ROR1: variants seen among roughly 807,000 people sequenced by gnomAD.
ROR1 encodes ROR family WNT receptor 1, also known as inactive tyrosine-protein kinase transmembrane receptor ROR1.
In ROR1, 19 loss-of-function variants were observed where a neutral mutation model predicts 78.8. The observed-to-expected ratio is 0.24, with a 90% CI of 0.17 to 0.35. The LOEUF is 0.35. Among genes scored for constraint, ROR1 ranks in the 10% least tolerant of loss-of-function variants. The pLI is 1.00. For synonymous variants in ROR1, 386 were observed against 433.6 expected (o/e 0.89, Z 1.36); for missense variants, 917 against 1,177.8 (o/e 0.78, Z 3.24).
At chr1:64,026,448 C>T (rs1646610251) in intron 2 of ROR1, among the ~76,000 whole-genome samples, 1 of 152,170 alleles carries the variant, frequency 6.6e-6, no homozygotes, top group Admixed American at 6.5e-5. Context: ...GATTATGACT[C>T]AAGTTTTCCT....
chr1:63,775,619 G>C (rs564459858), intron 1 of ROR1, among the ~76,000 whole-genome samples: 16 of 152,274 alleles, frequency 1.1e-4, no homozygotes, highest in African/African-American at 3.4e-4. Context: ...AAAGTTCTGC[G>C]CTACTTAGCA....
intron 8 of ROR1, among the ~76,000 whole-genome samples, chr1:64,167,763 A>T (rs1469344116): frequency 1.3e-5 from 2 of 152,196 alleles, no homozygotes; most frequent in African/African-American, 4.8e-5. Flanking sequence ...GTTGCCATGG[A>T]CAGGTTTTGT....
At chr1:64,151,983 T>C (rs1278220208) in intron 7 of ROR1, among the ~76,000 whole-genome samples, 1 of 152,146 alleles carries the variant, frequency 6.6e-6, no homozygotes, top group East Asian at 1.9e-4. Context: ...ATCCAGCCTC[T>C]ACTTGAACAT....
At chr1:64,061,455 C>G (rs1646916503) in intron 4 of ROR1, among the ~76,000 whole-genome samples, 1 of 152,100 alleles carries the variant, frequency 6.6e-6, no homozygotes, top group South Asian at 2.1e-4. Context: ...GTAGGTGAAC[C>G]AAAAACCCCA....
At chr1:64,174,359 C>G (rs1199449680) in intron 8 of ROR1, among the ~76,000 whole-genome samples, 1 of 152,134 alleles carries the variant, frequency 6.6e-6, no homozygotes, top group East Asian at 1.9e-4. Flanking sequence ...CATTATCTGG[C>G]ACAAAGTAAG....
At chr1:63,854,756 G>A (rs964865833) in intron 1 of ROR1, among the ~76,000 whole-genome samples, 3 of 152,254 alleles carry the variant, frequency 2.0e-5, no homozygotes, top group Middle Eastern at 3.4e-3. Flanking sequence ...GATGAAAGAA[G>A]AAAAACTACA....
intron 8 of ROR1, among the ~76,000 whole-genome samples, chr1:64,167,486 A>G (rs1650117980): frequency 1.3e-5 from 2 of 152,366 alleles, no homozygotes; most frequent in Admixed American, 6.5e-5. Flanking sequence ...AAGGCACTTA[A>G]TCCAGCTGTA....
At chr1:63,863,117 G>C (rs1265236730) in intron 1 of ROR1, among the ~76,000 whole-genome samples, 1 of 152,228 alleles carries the variant, frequency 6.6e-6, no homozygotes, top group Non-Finnish European at 1.5e-5. Flanking sequence ...AGGATGCTTA[G>C]TTGTGATTTC....
At chr1:64,110,403 C>T (rs1648041593) in intron 4 of ROR1, among the ~76,000 whole-genome samples, 1 of 152,110 alleles carries the variant, frequency 6.6e-6, no homozygotes, top group Non-Finnish European at 1.5e-5. Context: ...TAAGGTCACA[C>T]AGCCTATCAG....
chr1:63,920,678 C>G (rs1366333942), intron 1 of ROR1, among the ~76,000 whole-genome samples: 1 of 152,224 alleles, frequency 6.6e-6, no homozygotes, highest in Admixed American at 6.5e-5. Flanking sequence ...GATAATCTGT[C>G]AGCCCACCTC....
chr1:64,167,310 A>G (rs1650113739), intron 8 of ROR1, among the ~76,000 whole-genome samples: 1 of 152,162 alleles, frequency 6.6e-6, no homozygotes, highest in African/African-American at 2.4e-5. Flanking sequence ...CACAGAATCA[A>G]CCCTGCTCAC....
At chr1:64,096,537 G>C (rs1368211016) in intron 4 of ROR1, among the ~76,000 whole-genome samples, 1 of 152,068 alleles carries the variant, frequency 6.6e-6, no homozygotes, top group Non-Finnish European at 1.5e-5. Flanking sequence ...ATGGCCTCCA[G>C]CTCCGTCCAT....
At chr1:63,832,660 G>A (rs188546212) in intron 1 of ROR1, among the ~76,000 whole-genome samples, 23 of 152,316 alleles carry the variant, frequency 1.5e-4, no homozygotes, top group Admixed American at 1.4e-3. Context: ...AGCACAGTCA[G>A]TGCTGCTATA....
chr1:64,078,617 C>T (rs991754548), intron 4 of ROR1, among the ~76,000 whole-genome samples: 8 of 152,014 alleles, frequency 5.3e-5, no homozygotes, highest in African/African-American at 1.4e-4. Flanking sequence ...CTAAAAATGC[C>T]GGACAGAGAG....
intron 4 of ROR1, among the ~76,000 whole-genome samples, chr1:64,125,762 G>A (rs1648691174): frequency 6.6e-6 from 1 of 152,176 alleles, no homozygotes; most frequent in Admixed American, 6.5e-5. Context: ...GTATTCAAAT[G>A]AGGGCTTGCT....
intron 4 of ROR1, chr1:64,108,253 C>T (rs1647913875): frequency 6.6e-6 from 1 of 151,304 alleles, no homozygotes; most frequent in South Asian, 2.1e-4. Flanking sequence ...AAAAATTAGC[C>T]AGGCATGGTG....
chr1:64,112,386 C>T (rs1291104792), intron 4 of ROR1, among the ~76,000 whole-genome samples: 1 of 152,070 alleles, frequency 6.6e-6, no homozygotes, highest in Non-Finnish European at 1.5e-5. Context: ...GTTAACTTGT[C>T]CAAGTCACAT....
intron 2 of ROR1, among the ~76,000 whole-genome samples, chr1:64,029,471 C>T (rs1406284031): frequency 1.3e-5 from 2 of 152,128 alleles, no homozygotes; most frequent in African/African-American, 4.8e-5. Flanking sequence ...GCTAGGGCTG[C>T]CATAACAAAG....
chr1:64,140,234 G>A lies in ROR1; in HGVS notation c.736G>A (p.Asp246Asn). 6.2e-7 allele frequency: 1 copy of A among 1,614,116 alleles called. No individual in the cohort carries two copies. Among genetic ancestry groups the A allele is most frequent in the Non-Finnish European group, 8.5e-7 (1 of 1,180,014 alleles). Residue 246 changes from aspartate to asparagine, a missense_variant, in exon 6 of 9, where the codon GAC becomes AAC. Physicochemically the swap from Asp to Asn is conservative, Grantham distance 23. Transcript: ENST00000371079. ...AACTTCATCCGTCCCAAAGCCCCGT[G>A]ACTTGTGTCGCGATGAATGTGAAAT... ...DETSSVPKPRDLCRDECEILE... is the reference protein window; with the variant it reads ...DETSSVPKPRNLCRDECEILE...
Sources: allele counts gnomAD v4.1 joint callset (sites outside exome capture counted in the v4.1 genomes callset), GRCh38; gene constraint gnomAD v4.1.1; transcripts MANE v1.5; gene names NCBI Gene and HGNC (gene_info 2026-07-23, HGNC 2026-07-21).